The following CMTM6 variants were observed in gnomAD, a reference collection of about 807,000 sequenced individuals.
CMTM6 encodes the protein CKLF like MARVEL transmembrane domain containing 6.
In CMTM6, 5 loss-of-function variants were observed where a neutral mutation model predicts 13.6. The observed-to-expected ratio is 0.37, with a 90% CI of 0.19 to 0.77. CMTM6 has a LOEUF of 0.77. Among genes scored for constraint, CMTM6 ranks in the 30% least tolerant of loss-of-function variants. The pLI, the probability that CMTM6 is intolerant of heterozygous loss-of-function variation, is 0.50. For missense variants in CMTM6, 196 were observed against 218.6 expected, an observed-to-expected ratio of 0.90 and a Z score of 0.65; for synonymous variants, 99 against 84.5, an observed-to-expected ratio of 1.17 and a Z score of -0.94.
chr3:32,489,124 G>T (rs1440643134), intron 2 of CMTM6, among the ~76,000 whole-genome samples: 1 of 151,734 alleles, frequency 6.6e-6, no homozygotes, highest in African/African-American at 2.4e-5. Context: ...AAAAAAATTA[G>T]CTGGGCGTGG....
intron 2 of CMTM6, 53 bp from the exon 3 acceptor site, chr3:32,488,089 A>G (rs916111452): frequency 1.6e-6 from 2 of 1,263,324 alleles, no homozygotes; most frequent in Admixed American, 2.2e-5. Context: ...GATTCATGGA[A>G]ATGAACTTTT....
intron 1 of CMTM6, among the ~76,000 whole-genome samples, chr3:32,501,369 C>G (rs1697343824): frequency 6.6e-6 from 1 of 152,176 alleles, no homozygotes; most frequent in East Asian, 1.9e-4. Context: ...ACAGCTTATG[C>G]AAAGGAACAG....
rs1304073651 is a variant in CMTM6, at chr3:32,502,780, C to A, written c.-35G>T. On this transcript the variant is annotated 5_prime_UTR_variant, in exon 1 of 4. Transcript: ENST00000205636. ...CCGGGGAGCGCGGCGGCCGCAGCAA[C>A]CGCGCCGTTGACTTCTCGGACTCCA... 7.1e-7 allele frequency: 1 copy of A among 1,400,906 alleles called. No individual in the cohort carries two copies. Among genetic ancestry groups the A allele is most frequent in the Non-Finnish European group, 9.3e-7 (1 of 1,077,466 alleles). The allele number at this position is 1,400,906 out of a possible 1,614,324, so 86.8% of individuals were successfully genotyped here.
Position 32,502,754 on chromosome 3 carries a change from G to A in CMTM6, c.-9C>T, listed in dbSNP as rs776885415. 1.4e-6 allele frequency: 2 copies of A among 1,425,276 alleles called. No individual in the cohort carries two copies. Among genetic ancestry groups the A allele is most frequent in the Non-Finnish European group, 1.8e-6 (2 of 1,089,304 alleles). 88.3% of individuals were successfully genotyped at this position (1,425,276 alleles called of 1,614,324 possible). ...ACCGCTCCGTTCTCCATCGCCTCGG[G>A]CCGGGGAGCGCGGCGGCCGCAGCAA... On this transcript the variant is annotated 5_prime_UTR_variant, in exon 1 of 4. Coordinates refer to ENST00000205636, the MANE Select transcript of CMTM6 (RefSeq NM_017801.3).
chr3:32,498,790 G>T (rs2125659754), intron 1 of CMTM6, among the ~76,000 whole-genome samples: 1 of 151,778 alleles, frequency 6.6e-6, no homozygotes, highest in East Asian at 1.9e-4. Context: ...ATGTTGGCCA[G>T]GATGGTCTCT....
intron 1 of CMTM6, among the ~76,000 whole-genome samples, chr3:32,492,776 T>G (rs1450224790): frequency 6.6e-6 from 1 of 152,248 alleles, no homozygotes; most frequent in African/African-American, 2.4e-5. Context: ...ATGTGTACCT[T>G]AAACATTTTA....
rs1255357385 is a variant in CMTM6, at chr3:32,482,295, T to G, written c.*1665A>C. On this transcript the variant is annotated 3_prime_UTR_variant, in exon 4 of 4. Coordinates refer to ENST00000205636, the MANE Select transcript of CMTM6 (RefSeq NM_017801.3). ...GAGCAGAAGCTATGTTGGGCCATAC[T>G]GACCAATTTCTGAGAACCACATTAG... 1 of 151,996 alleles carries G rather than the reference T, an allele frequency of 6.6e-6. No individual in the cohort carries two copies. Among genetic ancestry groups the G allele is most frequent in the Non-Finnish European group, 1.5e-5 (1 of 68,022 alleles). 9.4% of individuals were successfully genotyped at this position (151,996 alleles called of 1,614,324 possible). A position where few individuals can be genotyped will look rare whatever the true frequency, so the allele number is the denominator to read the frequency against.
At chr3:32,497,985 T>G (rs140375975) in intron 1 of CMTM6, among the ~76,000 whole-genome samples, 194 of 152,200 alleles carry the variant, frequency 1.3e-3, no homozygotes, top group African/African-American at 4.6e-3. Context: ...GCTAAGAAAT[T>G]CATGGTAAAC....
At chr3:32,492,318 A>G (rs926840281) in intron 1 of CMTM6, among the ~76,000 whole-genome samples, 2 of 152,194 alleles carry the variant, frequency 1.3e-5, no homozygotes, top group African/African-American at 4.8e-5. Context: ...CCTCTGACCC[A>G]ACATACAGAC....
intron 1 of CMTM6, among the ~76,000 whole-genome samples, chr3:32,497,300 G>A (rs1177200222): frequency 1.3e-5 from 2 of 149,460 alleles, no homozygotes; most frequent in Non-Finnish European, 3.0e-5. Context: ...CAGGAGAATG[G>A]CGTAAACCCA....
At chr3:32,497,172 A>T (rs1488157374) in intron 1 of CMTM6, among the ~76,000 whole-genome samples, 1 of 151,854 alleles carries the variant, frequency 6.6e-6, no homozygotes, top group African/African-American at 2.4e-5. Flanking sequence ...TCACGAGGTC[A>T]GGAGATCAAG....
chr3:32,486,452 T>G (rs1026921390), intron 3 of CMTM6, among the ~76,000 whole-genome samples: 3 of 152,356 alleles, frequency 2.0e-5, no homozygotes, highest in South Asian at 2.1e-4. Context: ...AATATTCATA[T>G]GTTTTACTTC....
At chr3:32,497,106 G>A (rs374379449) in intron 1 of CMTM6, among the ~76,000 whole-genome samples, 34 of 152,088 alleles carry the variant, frequency 2.2e-4, no homozygotes, top group Non-Finnish European at 4.1e-4. Context: ...CTCCTACACC[G>A]GGCGCGGTGG....
intron 1 of CMTM6, among the ~76,000 whole-genome samples, chr3:32,494,442 G>A (rs1697272879): frequency 6.6e-6 from 1 of 152,098 alleles, no homozygotes; most frequent in Admixed American, 6.5e-5. Context: ...CATTAAAAAG[G>A]GACAAACAAC....
In CMTM6 at chr3:32,483,682, G is replaced by A; in HGVS notation, c.*278C>T. On this transcript the variant is annotated 3_prime_UTR_variant, in exon 4 of 4. Transcript: ENST00000205636. ...ATGACAGAATCATTTATCAACCGTT[G>A]AGCTGTGTGATTTAAAAACAATTGT... is the stretch of plus-strand genomic sequence containing the variant. 2 of 231,078 alleles carry A rather than the reference G, an allele frequency of 8.7e-6. No homozygotes were observed. Among genetic ancestry groups the A allele is most frequent in the Non-Finnish European group, 1.7e-5 (2 of 120,016 alleles). 14.3% of individuals were successfully genotyped at this position (231,078 alleles called of 1,614,324 possible).
chr3:32,495,685 T>C (rs897925183), intron 1 of CMTM6, among the ~76,000 whole-genome samples: 2 of 152,184 alleles, frequency 1.3e-5, no homozygotes, highest in African/African-American at 4.8e-5. Context: ...AGGTTATCTG[T>C]AGGACAGACA....
chr3:32,485,164 T>A (rs1368961454), intron 3 of CMTM6, among the ~76,000 whole-genome samples: 2 of 152,116 alleles, frequency 1.3e-5, no homozygotes, highest in Non-Finnish European at 2.9e-5. Context: ...TCACCCTTGT[T>A]TTTGAAGCTG....
intron 2 of CMTM6, among the ~76,000 whole-genome samples, chr3:32,490,892 A>AC (rs1270957877): frequency 1.3e-5 from 2 of 152,334 alleles, no homozygotes; most frequent in Non-Finnish European, 2.9e-5. Context: ...CTATAAATCA[A>AC]CCAGCTCAGA....
Position 32,487,929 on chromosome 3 carries a change from G to A in CMTM6, c.414+9C>T, listed in dbSNP as rs762589362. 218 of 1,587,208 alleles carry A rather than the reference G, an allele frequency of 1.4e-4. No homozygotes were observed. The highest frequency in any genetic ancestry group is 1.8e-4 in the Non-Finnish European group (211 of 1,157,674). On this transcript the variant is annotated intron_variant, in intron 3 of 3. Transcript: ENST00000205636. The stretch of plus-strand genomic sequence containing the variant: ...AAAATAAGCAATGTTAAAAATACAA[G>A]GTACTTACAATTGCAGCAATCTCAG...
Sources: allele counts gnomAD v4.1 joint callset (sites outside exome capture counted in the v4.1 genomes callset), GRCh38; gene constraint gnomAD v4.1.1; transcripts MANE v1.5; gene names NCBI Gene and HGNC (gene_info 2026-07-23, HGNC 2026-07-21).